Variants in ELOVL6 observed in about 807,000 individuals in gnomAD.
ELOVL6 encodes ELOVL fatty acid elongase 6.
A neutral mutation model predicts 31.7 loss-of-function variants in ELOVL6; 8 were observed. That is an observed-to-expected ratio of 0.25 (90% CI 0.15 to 0.45). The LOEUF is 0.45. ELOVL6 is among the 20% of genes least tolerant of loss of function. The pLI, the probability that ELOVL6 is intolerant of heterozygous loss-of-function variation, is 1.00. For synonymous variants in ELOVL6, 101 were observed against 117.7 expected (o/e 0.86, Z 0.92); for missense variants, 126 against 326.4 (o/e 0.39, Z 4.73).
At position 110,046,979 on chromosome 4, in the gene ELOVL6, A is replaced by T. The variant is rs1754711145; in HGVS notation, c.*4359T>A. On this transcript the variant is annotated 3_prime_UTR_variant, in exon 4 of 4. Transcript: ENST00000302274. ...AAGAATCAGGTGTTGTATAGAAAAG[A>T]CAAAGAACGATGTTTCAAAAGCTGT... is the stretch of plus-strand genomic sequence containing the variant. 6.6e-6 allele frequency: 1 copy of T among 152,218 alleles called. No individual in the cohort carries two copies. Among genetic ancestry groups the T allele is most frequent in the South Asian group, 2.1e-4 (1 of 4,828 alleles). The allele number at this position is 152,218 out of a possible 1,614,324, so 9.4% of individuals were successfully genotyped here.
chr4:110,138,625 G>A (rs904153215), intron 1 of ELOVL6, among the ~76,000 whole-genome samples: 2 of 151,906 alleles, frequency 1.3e-5, no homozygotes, highest in African/African-American at 4.8e-5. Context: ...AAGAGCAGAA[G>A]GAAGAACATT....
At chr4:110,100,622 C>A (rs1251953755) in intron 2 of ELOVL6, among the ~76,000 whole-genome samples, 4 of 152,086 alleles carry the variant, frequency 2.6e-5, no homozygotes, top group Non-Finnish European at 2.9e-5. Context: ...TAACAGGCAA[C>A]CTTGAGGACT....
rs1047644724 is a variant in ELOVL6, at chr4:110,057,262, G to A, written c.373+2341C>T. ...TTTTGTGATCTGAGGCTTAAAGGTC[G>A]GAAGTCCAGTCTCCAGCCATAGTCT... On this transcript the variant is annotated intron_variant, in intron 3 of 3. Transcript: ENST00000302274. Among the ~76,000 whole-genome samples, 19 of 151,986 alleles carry A rather than the reference G, an allele frequency of 1.3e-4. 2 individuals carry two copies. The highest frequency in any genetic ancestry group is 1.2e-3 in the Admixed American group (19 of 15,272).
rs116271771 is a variant in ELOVL6 at position 110,090,371 on chromosome 4, T to C, written c.221+15126A>G. Among the ~76,000 whole-genome samples the C allele has an allele frequency of 9.4e-3, 1,431 of 152,262 alleles. 20 individuals carry two copies. The highest frequency in any genetic ancestry group is 0.017 in the Non-Finnish European group (1,178 of 68,014). On this transcript the variant is annotated intron_variant, in intron 2 of 3. Transcript: ENST00000302274. ...CTATACATTAACACAGAAATAAAAGTAGGCACCCTCTATTCATATTTTTGT... is the reference window on the plus strand; with the variant it reads ...CTATACATTAACACAGAAATAAAAGCAGGCACCCTCTATTCATATTTTTGT...
intron 1 of ELOVL6, chr4:110,117,931 C>A (rs1261609860): frequency 2.4e-5 from 1 of 41,176 alleles, no homozygotes; most frequent in Non-Finnish European, 4.9e-5. Flanking sequence ...TATATCTCCC[C>A]AGAGAGGAGA....
chr4:110,068,128 A>G (rs978389505), intron 2 of ELOVL6, among the ~76,000 whole-genome samples: 2 of 152,226 alleles, frequency 1.3e-5, no homozygotes, highest in African/African-American at 4.8e-5. Flanking sequence ...TTAGACATAA[A>G]AGCTAAACTT....
intron 3 of ELOVL6, among the ~76,000 whole-genome samples, chr4:110,058,209 G>C (rs1755047456): frequency 6.6e-6 from 1 of 152,160 alleles, no homozygotes; most frequent in African/African-American, 2.4e-5. Context: ...ATGAATGAAT[G>C]AATGAATCCA....
At chr4:110,148,752 A>G (rs566498471) in intron 1 of ELOVL6, among the ~76,000 whole-genome samples, 2 of 113,200 alleles carry the variant, frequency 1.8e-5, no homozygotes, top group South Asian at 5.2e-4. Context: ...CCCCATAAAT[A>G]TATACACTTA....
At chr4:110,081,564 C>T (rs796506228) in intron 2 of ELOVL6, among the ~76,000 whole-genome samples, 4,046 of 150,512 alleles carry the variant, frequency 0.027, 77 homozygotes, top group East Asian at 0.1. Flanking sequence ...AACTGGATCC[C>T]TTCCTTACAC....
intron 2 of ELOVL6, among the ~76,000 whole-genome samples, chr4:110,084,168 T>G (rs560952693): frequency 5.0e-5 from 2 of 39,834 alleles, no homozygotes; most frequent in Non-Finnish European, 7.9e-5. Flanking sequence ...ATATATGTGA[T>G]ATATATGATA....
At chr4:110,126,441 C>G (rs1431046690) in intron 1 of ELOVL6, among the ~76,000 whole-genome samples, 1 of 152,136 alleles carries the variant, frequency 6.6e-6, no homozygotes, top group African/African-American at 2.4e-5. Context: ...AATTTTGCCC[C>G]TCATTGACTT....
chr4:110,157,412 T>C (rs942096190), intron 1 of ELOVL6, among the ~76,000 whole-genome samples: 1 of 152,210 alleles, frequency 6.6e-6, no homozygotes, highest in Non-Finnish European at 1.5e-5. Context: ...GACTCATGCC[T>C]GTAATCCCAG....
intron 1 of ELOVL6, among the ~76,000 whole-genome samples, chr4:110,134,786 CT>C (rs1040563810): frequency 2.0e-5 from 3 of 152,054 alleles, no homozygotes; most frequent in Admixed American, 6.6e-5. Flanking sequence ...ATTGCAAGAC[CT>C]CATCTCTACA....
At chr4:110,089,660 C>T (rs1241043621) in intron 2 of ELOVL6, among the ~76,000 whole-genome samples, 1 of 152,098 alleles carries the variant, frequency 6.6e-6, no homozygotes, top group Non-Finnish European at 1.5e-5. Flanking sequence ...CACTAGTTGG[C>T]TAACATTGTC....
chr4:110,122,842 G>A (rs141205055), intron 1 of ELOVL6, among the ~76,000 whole-genome samples: 84 of 152,264 alleles, frequency 5.5e-4, no homozygotes, highest in African/African-American at 1.8e-3. Context: ...TTCTCAGTAC[G>A]TTGAATGCCC....
intron 1 of ELOVL6, among the ~76,000 whole-genome samples, chr4:110,180,190 C>T (rs1759230813): frequency 6.6e-6 from 1 of 152,124 alleles, no homozygotes; most frequent in Non-Finnish European, 1.5e-5. Flanking sequence ...TGCAAGTTCA[C>T]CCCCTAAAAA....
intron 1 of ELOVL6, among the ~76,000 whole-genome samples, chr4:110,109,354 T>A (rs1756968063): frequency 6.6e-6 from 1 of 152,190 alleles, no homozygotes; most frequent in African/African-American, 2.4e-5. Context: ...GAGTTATGAT[T>A]ACCAGGTGAC....
intron 2 of ELOVL6, among the ~76,000 whole-genome samples, chr4:110,084,588 ATTTTTTT>A (rs1168880044): frequency 2.0e-3 from 59 of 29,610 alleles, no homozygotes; most frequent in African/African-American, 4.8e-3. Flanking sequence ...ATATATATAT[ATTTTTTT>A]TTTTTTTTTT....
At chr4:110,078,308 T>C (rs1337319089) in intron 2 of ELOVL6, among the ~76,000 whole-genome samples, 1 of 151,996 alleles carries the variant, frequency 6.6e-6, no homozygotes, top group African/African-American at 2.4e-5. Flanking sequence ...AAAGTTGACA[T>C]GAAGGAAAAA....
Sources: allele counts gnomAD v4.1 joint callset (sites outside exome capture counted in the v4.1 genomes callset), GRCh38; gene constraint gnomAD v4.1.1; transcripts MANE v1.5; gene names NCBI Gene and HGNC (gene_info 2026-07-23, HGNC 2026-07-21).